PTPRD: variants seen among roughly 807,000 people sequenced by gnomAD.
The protein encoded by PTPRD is protein tyrosine phosphatase receptor type D, also known as receptor-type tyrosine-protein phosphatase delta.
In PTPRD, 34 loss-of-function variants were observed where a neutral mutation model predicts 214.5. The observed-to-expected ratio is 0.16, with a 90% CI of 0.12 to 0.21. PTPRD has a LOEUF of 0.21. Ranked by LOEUF, PTPRD falls within the 10% of genes least tolerant of loss-of-function variation. The pLI, the probability that PTPRD is intolerant of heterozygous loss-of-function variation, is 1.00. For synonymous variants in PTPRD, 1,128 were observed against 845.7 expected (o/e 1.33, Z -5.79); for missense variants, 2,545 against 2,398.7 (o/e 1.06, Z -1.27).
At chr9:9,253,234 T>G (rs1234461701) in intron 9 of PTPRD, among the ~76,000 whole-genome samples, 1 of 152,050 alleles carries the variant, frequency 6.6e-6, no homozygotes, top group Non-Finnish European at 1.5e-5. Context: ...GATCATGATA[T>G]CTATTTTTTT....
chr9:9,016,133 C>A (rs1233412329), intron 11 of PTPRD, among the ~76,000 whole-genome samples: 1 of 152,130 alleles, frequency 6.6e-6, no homozygotes, highest in African/African-American at 2.4e-5. Context: ...TGCCTTACTG[C>A]AGCCCCTTTC....
intron 11 of PTPRD, among the ~76,000 whole-genome samples, chr9:8,821,246 C>G (rs1293402593): frequency 6.6e-6 from 1 of 152,140 alleles, no homozygotes; most frequent in East Asian, 1.9e-4. Flanking sequence ...CATACATGCT[C>G]TCTGGGTTTG....
intron 3 of PTPRD, among the ~76,000 whole-genome samples, chr9:10,208,422 G>C: frequency 6.6e-6 from 1 of 152,204 alleles, no homozygotes; most frequent in Non-Finnish European, 1.5e-5. Flanking sequence ...GCTGAGGCAG[G>C]AGAAGGGCGT....
intron 2 of PTPRD, among the ~76,000 whole-genome samples, chr9:10,531,487 A>C (rs547014662): frequency 6.6e-6 from 1 of 152,322 alleles, no homozygotes; most frequent in South Asian, 2.1e-4. Flanking sequence ...TAGCATATTA[A>C]ATAATGAAGT....
At chr9:8,636,673 G>T in intron 13 of PTPRD, 26 bp downstream of exon 13, 1 of 1,610,904 alleles carries the variant, frequency 6.2e-7, no homozygotes, top group Non-Finnish European at 8.5e-7. Flanking sequence ...TCTTCCCCCA[G>T]AGAAACAGAA....
chr9:9,858,079 C>T (rs1599946705), intron 5 of PTPRD, among the ~76,000 whole-genome samples: 1 of 152,162 alleles, frequency 6.6e-6, no homozygotes, highest in Non-Finnish European at 1.5e-5. Flanking sequence ...TTTAACCAGA[C>T]ATTCAGGAAC....
intron 8 of PTPRD, among the ~76,000 whole-genome samples, chr9:9,540,788 AG>A: frequency 1.3e-5 from 2 of 151,920 alleles, no homozygotes; most frequent in Admixed American, 1.3e-4. Flanking sequence ...ATCTACTTAA[AG>A]GGAAAAGTTA....
rs572787086 is a variant in PTPRD, at chr9:10,532,946, T to C, written c.-600+79452A>G. On this transcript the variant is annotated intron_variant, in intron 2 of 45. Transcript: ENST00000381196. ...TCATGCTGATACATGATTCCCAGTG[T>C]GGCAGTGTTGGGATGTAGGGTCTAG... Among the ~76,000 whole-genome samples, 31 of 152,164 alleles carry C rather than the reference T, an allele frequency of 2.0e-4. No individual in the cohort carries two copies. In the South Asian group the frequency reaches 6.4e-3, roughly 32 times the overall value.
rs1281061155 is a variant in PTPRD, at chr9:8,866,298, T to C, written c.-103-132352A>G. 2.0e-5 allele frequency among the ~76,000 whole-genome samples: 3 copies of C among 152,174 alleles called. No individual in the cohort carries two copies. In the East Asian group the frequency reaches 5.8e-4, roughly 29 times the overall value. On this transcript the variant is annotated intron_variant, in intron 11 of 45. Transcript: ENST00000381196. The stretch of plus-strand genomic sequence containing the variant: ...CACCATTCCTGCTTGGTTATTTATT[T>C]GTGTTCAGTTCTTTAAGATCATGTT...
chr9:8,635,434 A>T (rs1279407121), intron 13 of PTPRD, among the ~76,000 whole-genome samples: 1 of 152,006 alleles, frequency 6.6e-6, no homozygotes, highest in Non-Finnish European at 1.5e-5. Flanking sequence ...ATATTTTTGT[A>T]TTTAAATAAA....
chr9:9,728,728 G>C (rs2154439124), intron 7 of PTPRD, among the ~76,000 whole-genome samples: 1 of 152,204 alleles, frequency 6.6e-6, no homozygotes, highest in East Asian at 1.9e-4. Flanking sequence ...ATGGATTGTT[G>C]CTTAATGACA....
intron 11 of PTPRD, among the ~76,000 whole-genome samples, chr9:8,914,514 T>C (rs1173997499): frequency 1.3e-5 from 2 of 152,062 alleles, no homozygotes; most frequent in African/African-American, 4.8e-5. Context: ...CTCAGAAATA[T>C]GTAGAGTGAT....
At chr9:10,449,912 C>T (rs1004925365) in intron 2 of PTPRD, among the ~76,000 whole-genome samples, 2 of 151,746 alleles carry the variant, frequency 1.3e-5, no homozygotes, top group African/African-American at 4.9e-5. Context: ...ATTCTTCTGC[C>T]TTGGGATGCT....
intron 8 of PTPRD, among the ~76,000 whole-genome samples, chr9:9,538,941 C>A (rs931492026): frequency 6.6e-6 from 1 of 151,702 alleles, no homozygotes; most frequent in African/African-American, 2.4e-5. Context: ...TTTCTGAGTA[C>A]TTCCTAGTGC....
intron 11 of PTPRD, among the ~76,000 whole-genome samples, chr9:8,890,013 T>G (rs1397391622): frequency 1.3e-5 from 2 of 152,214 alleles, no homozygotes; most frequent in African/African-American, 4.8e-5. Context: ...AATTCTGCTT[T>G]CAGTTATTTA....
chr9:9,106,052 C>G (rs1476372613), intron 10 of PTPRD, among the ~76,000 whole-genome samples: 1 of 152,014 alleles, frequency 6.6e-6, no homozygotes, highest in African/African-American at 2.4e-5. Flanking sequence ...GGCTGAGATA[C>G]CTGGAAGAAT....
chr9:8,762,932 G>C (rs2094497843), intron 11 of PTPRD, among the ~76,000 whole-genome samples: 2 of 152,110 alleles, frequency 1.3e-5, no homozygotes, highest in Admixed American at 1.3e-4. Context: ...TCCCAGCATG[G>C]GATGGAGCCT....
chr9:9,583,894 G>A (rs541346639), intron 7 of PTPRD, among the ~76,000 whole-genome samples: 15 of 151,970 alleles, frequency 9.9e-5, no homozygotes, highest in South Asian at 2.1e-4. Flanking sequence ...TATCTTACTC[G>A]CCATGGTTGG....
chr9:9,310,000 G>A (rs1379044786), intron 9 of PTPRD, among the ~76,000 whole-genome samples: 1 of 151,962 alleles, frequency 6.6e-6, no homozygotes, highest in Admixed American at 6.6e-5. Flanking sequence ...TGTAGGGTTT[G>A]GAAGCTTATC....
Sources: gnomAD v4.1 joint callset for allele counts (sites outside exome capture counted in the v4.1 genomes callset) on GRCh38, gnomAD v4.1.1 for gene constraint, MANE v1.5 for transcripts, NCBI Gene and HGNC (gene_info 2026-07-23, HGNC 2026-07-21) for gene names.